TOM1L1: variants seen among roughly 807,000 people sequenced by gnomAD.
The protein encoded by TOM1L1 is TOM1-like protein 1.
In TOM1L1, 64 loss-of-function variants were observed where a neutral mutation model predicts 63.4. That is an observed-to-expected ratio of 1.01 (90% CI 0.83 to 1.24). The LOEUF (loss-of-function observed/expected upper bound fraction) is 1.24. Among genes scored for constraint, TOM1L1 ranks in the 50% most tolerant of loss-of-function variants. TOM1L1 has a pLI of 0.00. For missense variants in TOM1L1, 536 were observed against 567.0 expected (o/e 0.95, Z 0.55); for synonymous variants, 166 against 194.4 (o/e 0.85, Z 1.22).
chr17:54,913,150 T>A (rs1258120800), intron 4 of TOM1L1, among the ~76,000 whole-genome samples: 6 of 152,218 alleles, frequency 3.9e-5, no homozygotes, highest in Admixed American at 2.6e-4. Context: ...CTGATGTTAT[T>A]TTAGAATCTA....
At chr17:54,940,892 A>G (rs142748921) in intron 11 of TOM1L1, among the ~76,000 whole-genome samples, 1 of 152,340 alleles carries the variant, frequency 6.6e-6, no homozygotes, top group African/African-American at 2.4e-5. Context: ...GCCAATGTCA[A>G]TAGCTTTTTT....
intron 14 of TOM1L1, among the ~76,000 whole-genome samples, chr17:54,955,543 ATCCAGAC>A (rs1423881467): frequency 6.6e-6 from 1 of 152,190 alleles, no homozygotes; most frequent in Non-Finnish European, 1.5e-5. Context: ...GGGTAGAAGA[ATCCAGAC>A]TTCATATTCA....
At chr17:54,946,748 G>A (rs1424345224) in intron 11 of TOM1L1, among the ~76,000 whole-genome samples, 1 of 152,054 alleles carries the variant, frequency 6.6e-6, no homozygotes, top group African/African-American at 2.4e-5. Flanking sequence ...ATATGAAGAG[G>A]CAAAAAACGG....
intron 8 of TOM1L1, among the ~76,000 whole-genome samples, chr17:54,935,728 G>T (rs2048933803): frequency 6.6e-6 from 1 of 152,032 alleles, no homozygotes; most frequent in Admixed American, 6.6e-5. Context: ...AACTTCTCTG[G>T]TCTTTTACGT....
At chr17:54,938,818 T>C (rs1211931224) in intron 10 of TOM1L1, 106 bp from the exon 11 acceptor site, 4 of 612,114 alleles carry the variant, frequency 6.5e-6, no homozygotes, top group Non-Finnish European at 1.1e-5. Context: ...GTTTTTCTTT[T>C]TTTTTTCTTT....
chr17:54,905,662 A>G (rs1048214602), intron 3 of TOM1L1, 95 bp downstream of exon 3: 2 of 762,108 alleles, frequency 2.6e-6, no homozygotes, highest in Non-Finnish European at 4.3e-6. Flanking sequence ...AAGTATTCTG[A>G]GAAAACTAAT....
At chr17:54,955,374 G>T (rs2049446998) in intron 14 of TOM1L1, among the ~76,000 whole-genome samples, 1 of 152,168 alleles carries the variant, frequency 6.6e-6, no homozygotes, top group African/African-American at 2.4e-5. Flanking sequence ...CACACACACT[G>T]TTCATGTAAC....
chr17:54,941,301 T>G, intron 11 of TOM1L1, among the ~76,000 whole-genome samples: 1 of 152,124 alleles, frequency 6.6e-6, no homozygotes, highest in African/African-American at 2.4e-5. Flanking sequence ...TTTCTATATT[T>G]AAAAGGGGGA....
chr17:54,959,956 G>C (rs2077071805), intron 14 of TOM1L1, among the ~76,000 whole-genome samples: 1 of 152,066 alleles, frequency 6.6e-6, no homozygotes, highest in African/African-American at 2.4e-5. Context: ...AAGAAACTGA[G>C]GAGTTTTTTA....
chr17:54,932,206 G>A (rs1465242681), intron 8 of TOM1L1, among the ~76,000 whole-genome samples: 3 of 152,114 alleles, frequency 2.0e-5, no homozygotes, highest in Non-Finnish European at 4.4e-5. Flanking sequence ...ATTCCTGTCC[G>A]TTTTAAGGGC....
chr17:54,946,927 C>T (rs569310797), intron 11 of TOM1L1, among the ~76,000 whole-genome samples: 87 of 152,234 alleles, frequency 5.7e-4, no homozygotes, highest in Middle Eastern at 6.8e-3. Context: ...TATCCTGGAC[C>T]GGAGACCTCA....
intron 8 of TOM1L1, among the ~76,000 whole-genome samples, chr17:54,935,176 G>C (rs927984227): frequency 2.0e-5 from 3 of 152,172 alleles, no homozygotes; most frequent in Non-Finnish European, 2.9e-5. Flanking sequence ...AAATGAGTCA[G>C]CAAAGGGAGT....
intron 14 of TOM1L1, 108 bp from the exon 15 acceptor site, chr17:54,960,458 T>C (rs1293914914): frequency 1.3e-6 from 1 of 785,404 alleles, no homozygotes; most frequent in Non-Finnish European, 2.3e-6. Flanking sequence ...ATATGTAGCC[T>C]GAACTCCAAA....
At position 54,961,246 on chromosome 17, in the gene TOM1L1, T is replaced by A; in HGVS notation, c.*13T>A. 6.5e-7 allele frequency: 1 copy of A among 1,544,254 alleles called. No homozygotes were observed. Among genetic ancestry groups the A allele is most frequent in the Non-Finnish European group, 8.8e-7 (1 of 1,140,198 alleles). On this transcript the variant is annotated 3_prime_UTR_variant, in exon 16 of 16. Coordinates refer to ENST00000575882, the MANE Select transcript of TOM1L1 (RefSeq NM_005486.3). ...TCTCTTTATTTTAGAAGAAAGTGGATGATCAGCTCACTACCACATCAAAGG... is the reference window on the plus strand; with the variant it reads ...TCTCTTTATTTTAGAAGAAAGTGGAAGATCAGCTCACTACCACATCAAAGG...
chr17:54,901,050 C>T, intron 1 of TOM1L1, 127 bp downstream of exon 1: 1 of 1,316,050 alleles, frequency 7.6e-7, no homozygotes, highest in Non-Finnish European at 1.0e-6. Flanking sequence ...CCTCCCCCCG[C>T]AACTTTCCCA....
At chr17:54,904,366 T>C (rs1385261028) in intron 2 of TOM1L1, among the ~76,000 whole-genome samples, 1 of 118,486 alleles carries the variant, frequency 8.4e-6, no homozygotes, top group African/African-American at 3.6e-5. Context: ...CAAGACTCTA[T>C]CTCAAAAAAA....
Position 54,956,601 on chromosome 17 carries a change from G to T in TOM1L1, c.1371-3965G>T, listed in dbSNP as rs116901735. Reference sequence around the variant, plus strand: ...TGGGATTACAGGTGTAAGCCACCGTGCCTAGCCTTTTAATTTTTTTCTTTT... The same window carrying T: ...TGGGATTACAGGTGTAAGCCACCGTTCCTAGCCTTTTAATTTTTTTCTTTT... On this transcript the variant is annotated intron_variant, in intron 14 of 15. Transcript: ENST00000575882. 7.4e-3 allele frequency among the ~76,000 whole-genome samples: 1,125 copies of T among 152,084 alleles called. 7 individuals carry two copies. The highest frequency in any genetic ancestry group is 0.01 in the Non-Finnish European group (713 of 67,998).
intron 14 of TOM1L1, chr17:54,956,661 T>C (rs2049520518): frequency 6.6e-6 from 1 of 151,900 alleles, no homozygotes; most frequent in Admixed American, 6.6e-5. Flanking sequence ...CCCAGGCTAG[T>C]TTTGAACTCC....
At chr17:54,931,824 A>C (rs2048862843) in intron 8 of TOM1L1, among the ~76,000 whole-genome samples, 1 of 152,084 alleles carries the variant, frequency 6.6e-6, no homozygotes, top group African/African-American at 2.4e-5. Context: ...ACATAAAACC[A>C]GTAGCTATTA....
Sources: allele counts gnomAD v4.1 joint callset (sites outside exome capture counted in the v4.1 genomes callset), GRCh38; gene constraint gnomAD v4.1.1; transcripts MANE v1.5; gene names NCBI Gene and HGNC (gene_info 2026-07-23, HGNC 2026-07-21).